The following NRG3 variants were observed in gnomAD, a reference collection of about 807,000 sequenced individuals.
The protein encoded by NRG3 is neuregulin 3.
NRG3 carries 31 observed loss-of-function variants against 66.9 expected under a neutral mutation model. That is an observed-to-expected ratio of 0.46 (90% CI 0.35 to 0.63). NRG3 has a LOEUF of 0.63. NRG3 is among the 20% of genes least tolerant of loss of function. The pLI is 0.00. For synonymous variants in NRG3, 393 were observed against 359.4 expected, an observed-to-expected ratio of 1.09 and a Z score of -1.06; for missense variants, 910 against 878.9, an observed-to-expected ratio of 1.04 and a Z score of -0.45.
intron 6 of NRG3, among the ~76,000 whole-genome samples, chr10:82,963,644 C>T (rs111946449): frequency 3.3e-5 from 5 of 152,148 alleles, no homozygotes; most frequent in African/African-American, 7.2e-5. Flanking sequence ...GGCTCCACTG[C>T]ACTCCAGCCT....
chr10:82,951,649 G>A, intron 5 of NRG3, 78 bp downstream of exon 5: 2 of 1,234,570 alleles, frequency 1.6e-6, no homozygotes, highest in Non-Finnish European at 2.4e-6. Flanking sequence ...CTCAGTCTGT[G>A]TGCCACACAG....
intron 1 of NRG3, among the ~76,000 whole-genome samples, chr10:81,935,021 A>G (rs962555237): frequency 1.3e-5 from 2 of 152,194 alleles, no homozygotes; most frequent in Non-Finnish European, 2.9e-5. Context: ...CACCCAAAAC[A>G]TTTAAGCCAT....
intron 7 of NRG3, among the ~76,000 whole-genome samples, chr10:82,976,054 T>A (rs1298219012): frequency 1.3e-5 from 2 of 152,086 alleles, no homozygotes; most frequent in African/African-American, 4.8e-5. Context: ...CTTATCTTTT[T>A]TTATTATTTT....
intron 1 of NRG3, among the ~76,000 whole-genome samples, chr10:81,884,762 C>A (rs1440003238): frequency 6.6e-6 from 1 of 152,072 alleles, no homozygotes; most frequent in Non-Finnish European, 1.5e-5. Context: ...CTATTCCCCC[C>A]TGGAATACCA....
chr10:82,548,660 C>A (rs2044099270), intron 2 of NRG3, among the ~76,000 whole-genome samples: 1 of 151,652 alleles, frequency 6.6e-6, no homozygotes, highest in Admixed American at 6.6e-5. Flanking sequence ...AGGAGGAAGT[C>A]CAGTGAAACA....
chr10:82,969,150 C>T (rs1282382890), intron 6 of NRG3, among the ~76,000 whole-genome samples: 1 of 152,140 alleles, frequency 6.6e-6, no homozygotes, highest in African/African-American at 2.4e-5. Context: ...CAGCTCTCTG[C>T]AGTTGCTGAA....
intron 3 of NRG3, among the ~76,000 whole-genome samples, chr10:82,844,297 T>G (rs1211138970): frequency 1.3e-5 from 2 of 152,228 alleles, no homozygotes; most frequent in African/African-American, 4.8e-5. Context: ...TAGTCCTTAT[T>G]GATACAATAC....
chr10:82,426,746 G>T (rs1564908257), intron 2 of NRG3, among the ~76,000 whole-genome samples: 1 of 151,538 alleles, frequency 6.6e-6, no homozygotes. Flanking sequence ...TGATTCTCCA[G>T]CCTCAGCCTC....
At chr10:82,338,621 C>A (rs868559157) in intron 1 of NRG3, among the ~76,000 whole-genome samples, 1 of 151,968 alleles carries the variant, frequency 6.6e-6, no homozygotes, top group Non-Finnish European at 1.5e-5. Flanking sequence ...CATCATACAG[C>A]GATATTACAG....
At chr10:82,705,441 A>G (rs940305202) in intron 2 of NRG3, among the ~76,000 whole-genome samples, 1 of 152,238 alleles carries the variant, frequency 6.6e-6, no homozygotes, top group Non-Finnish European at 1.5e-5. Context: ...ATTCAGATAC[A>G]TGCTTAAATG....
chr10:82,163,581 A>G (rs2071779388), intron 1 of NRG3, among the ~76,000 whole-genome samples: 1 of 152,162 alleles, frequency 6.6e-6, no homozygotes, highest in Non-Finnish European at 1.5e-5. Context: ...ATGATGGGAA[A>G]TCTCTGGTAT....
At chr10:82,841,222 G>A (rs551762695) in intron 3 of NRG3, among the ~76,000 whole-genome samples, 110 of 152,296 alleles carry the variant, frequency 7.2e-4, no homozygotes, top group Non-Finnish European at 9.7e-4. Flanking sequence ...ATTGGAAGGA[G>A]TATGGCCCTG....
intron 1 of NRG3, among the ~76,000 whole-genome samples, chr10:81,931,860 A>G (rs1018549461): frequency 6.6e-6 from 1 of 152,090 alleles, no homozygotes; most frequent in African/African-American, 2.4e-5. Context: ...TTTTTGTTTC[A>G]TTGTTCAGGA....
chr10:82,688,257 T>TA (rs2054662722), intron 2 of NRG3, among the ~76,000 whole-genome samples: 2 of 152,376 alleles, frequency 1.3e-5, no homozygotes, highest in East Asian at 3.9e-4. Context: ...TTTATGTACT[T>TA]ACATGTCTAA....
In NRG3 at chr10:82,985,226, C is replaced by T. The variant is rs1853335507; in HGVS notation, c.1712C>T (p.Ala571Val). 6.2e-7 allele frequency: 1 copy of T among 1,614,134 alleles called. No homozygotes were observed. The highest frequency in any genetic ancestry group is 1.1e-5 in the South Asian group (1 of 91,086). ...CTGGTGGGCTATTCATCCACAAGGG[C>T]CAGTTCTGTGCCCATCATCCCTTCA... ...KDLVGYSSTRASSVPIIPSVG... is the reference protein window; with the variant it reads ...KDLVGYSSTRVSSVPIIPSVG... Residue 571 changes from alanine to valine, a missense_variant, in exon 9 of 9, where the codon GCC becomes GTC. Ala to Val is a moderately conservative substitution (Grantham distance 64). Transcript: ENST00000372141.
intron 1 of NRG3, among the ~76,000 whole-genome samples, chr10:82,174,347 T>G (rs2072869692): frequency 2.0e-5 from 3 of 152,128 alleles, no homozygotes; most frequent in Admixed American, 2.0e-4. Flanking sequence ...TCCAGCCACT[T>G]AAATTTTCCT....
intron 2 of NRG3, among the ~76,000 whole-genome samples, chr10:82,571,628 C>CA (rs1371985409): frequency 2.0e-5 from 3 of 151,590 alleles, no homozygotes. Context: ...AACTATCAAA[C>CA]AAAAAATGTT....
intron 4 of NRG3, among the ~76,000 whole-genome samples, chr10:82,869,310 C>T (rs1293313217): frequency 1.3e-5 from 2 of 152,122 alleles, no homozygotes; most frequent in Admixed American, 6.5e-5. Context: ...AGCTACCTCC[C>T]TAATGAAGAT....
At chr10:81,919,951 T>C (rs1471107437) in intron 1 of NRG3, among the ~76,000 whole-genome samples, 1 of 152,208 alleles carries the variant, frequency 6.6e-6, no homozygotes, top group East Asian at 1.9e-4. Flanking sequence ...TCTTCCCCGC[T>C]ACTGCTAGCC....
Sources: allele counts gnomAD v4.1 joint callset (sites outside exome capture counted in the v4.1 genomes callset), GRCh38; gene constraint gnomAD v4.1.1; transcripts MANE v1.5; gene names NCBI Gene and HGNC (gene_info 2026-07-23, HGNC 2026-07-21).